Variants in UMAD1 observed in about 807,000 individuals in gnomAD.
UMAD1 encodes UBAP1-MVB12-associated (UMA)-domain containing protein 1.
UMAD1 carries 8 observed loss-of-function variants against 6.1 expected under a neutral mutation model. The ratio of observed to expected loss-of-function variants is 1.30; its 90% confidence interval spans 0.76 to 2.35. The LOEUF (loss-of-function observed/expected upper bound fraction) is 2.35, where lower values mean the gene tolerates loss of function less well. UMAD1 is among the 30% of genes most tolerant of loss of function. UMAD1 has a pLI of 0.00. For synonymous variants in UMAD1, 56 were observed against 31.4 expected, an observed-to-expected ratio of 1.78 and a Z score of -2.61; for missense variants, 130 against 78.4, an observed-to-expected ratio of 1.66 and a Z score of -2.49.
At chr7:7,720,256 C>T (rs577345253) in intron 2 of UMAD1, among the ~76,000 whole-genome samples, 1 of 152,138 alleles carries the variant, frequency 6.6e-6, no homozygotes, top group Non-Finnish European at 1.5e-5. Flanking sequence ...AACTATACAT[C>T]TCTGAGAATA....
chr7:7,758,723 T>C (rs1781828774), intron 2 of UMAD1, among the ~76,000 whole-genome samples: 1 of 152,252 alleles, frequency 6.6e-6, no homozygotes, highest in South Asian at 2.1e-4. Flanking sequence ...ATGTTGCATT[T>C]TTCAGATTTA....
At chr7:7,833,903 A>T (rs532889979) in intron 3 of UMAD1, among the ~76,000 whole-genome samples, 8 of 151,786 alleles carry the variant, frequency 5.3e-5, no homozygotes, top group Admixed American at 4.6e-4. Context: ...TTCCCATCTT[A>T]TTCTGTCAAG....
chr7:7,859,363 C>G (rs1302102301), intron 3 of UMAD1, among the ~76,000 whole-genome samples: 3 of 152,170 alleles, frequency 2.0e-5, no homozygotes, highest in African/African-American at 2.4e-5. Context: ...TAATCAAGAA[C>G]AGTGTGAAGT....
intron 3 of UMAD1, among the ~76,000 whole-genome samples, chr7:7,810,072 A>T (rs77185402): frequency 0.05 from 7,675 of 152,128 alleles, 341 homozygotes; most frequent in African/African-American, 0.12. Flanking sequence ...CAATTTCAAA[A>T]ATAGCAACAG....
intron 1 of UMAD1, among the ~76,000 whole-genome samples, chr7:7,651,016 G>A (rs1431114571): frequency 6.6e-6 from 1 of 152,130 alleles, no homozygotes; most frequent in African/African-American, 2.4e-5. Context: ...AAAAAGCCAG[G>A]TGCATGACCT....
At chr7:7,825,150 G>A (rs185640478) in intron 3 of UMAD1, among the ~76,000 whole-genome samples, 39 of 152,148 alleles carry the variant, frequency 2.6e-4, no homozygotes, top group African/African-American at 9.2e-4. Flanking sequence ...GGAGGTGGGC[G>A]CAGGGGGGAG....
At chr7:7,803,148 A>T (rs111536085) in intron 3 of UMAD1, among the ~76,000 whole-genome samples, 30 of 152,344 alleles carry the variant, frequency 2.0e-4, no homozygotes, top group Middle Eastern at 3.4e-3. Context: ...TCCATCTTAT[A>T]TGTTGAAGCA....
chr7:7,797,793 A>C (rs1385928715), intron 2 of UMAD1, among the ~76,000 whole-genome samples: 1 of 151,934 alleles, frequency 6.6e-6, no homozygotes, highest in Admixed American at 6.5e-5. Context: ...GGTTCAAGCA[A>C]ATCTCCTGCC....
intron 3 of UMAD1, among the ~76,000 whole-genome samples, chr7:7,873,429 G>C (rs1784364180): frequency 6.6e-6 from 1 of 152,174 alleles, no homozygotes. Context: ...ACTCATACCT[G>C]CACTCTTGGC....
chr7:7,846,257 C>A (rs1783780354), intron 3 of UMAD1, among the ~76,000 whole-genome samples: 1 of 152,058 alleles, frequency 6.6e-6, no homozygotes, highest in Non-Finnish European at 1.5e-5. Flanking sequence ...TCATAGTGTC[C>A]ATTTTATCTC....
At chr7:7,747,986 G>C (rs1340092410) in intron 2 of UMAD1, among the ~76,000 whole-genome samples, 1 of 152,006 alleles carries the variant, frequency 6.6e-6, no homozygotes, top group Non-Finnish European at 1.5e-5. Context: ...GTTTTGTTTT[G>C]TTTACAGTGG....
In UMAD1 at chr7:7,800,390, T is replaced by A. The variant is rs574349285; in HGVS notation, c.83-1280T>A. The stretch of plus-strand genomic sequence containing the variant: ...ATAAGCTACCAATTTAGTTCTTGTT[T>A]CATGATTTTATAATTTAACAGGCTT... On this transcript the variant is annotated intron_variant, in intron 2 of 3. Transcript: ENST00000682710. Among the ~76,000 whole-genome samples, 7 of 152,382 alleles carry A rather than the reference T, an allele frequency of 4.6e-5. No homozygotes were observed. In the East Asian group the frequency reaches 1.3e-3, roughly 29 times the overall value.
intron 1 of UMAD1, among the ~76,000 whole-genome samples, chr7:7,668,084 T>C (rs11763161): frequency 0.015 from 2,203 of 147,710 alleles, 28 homozygotes; most frequent in Non-Finnish European, 0.022. Flanking sequence ...AGCTGGCTAA[T>C]TTTTTTTTTT....
intron 1 of UMAD1, among the ~76,000 whole-genome samples, chr7:7,645,713 A>G (rs1785078689): frequency 6.6e-6 from 1 of 151,652 alleles, no homozygotes; most frequent in Non-Finnish European, 1.5e-5. Flanking sequence ...ATGAGTATGT[A>G]TTTTTCAGTG....
At chr7:7,782,332 G>A (rs1357026713) in intron 2 of UMAD1, among the ~76,000 whole-genome samples, 1 of 151,830 alleles carries the variant, frequency 6.6e-6, no homozygotes, top group African/African-American at 2.4e-5. Context: ...GATCACTTTA[G>A]TGATTCTCTT....
intron 2 of UMAD1, among the ~76,000 whole-genome samples, chr7:7,770,026 T>C (rs146392566): frequency 2.6e-4 from 39 of 152,296 alleles, no homozygotes; most frequent in Non-Finnish European, 4.4e-4. Flanking sequence ...TTTTTATTCT[T>C]TCAGACTTAT....
intron 2 of UMAD1, among the ~76,000 whole-genome samples, chr7:7,778,226 TTGTGTGTGTG>T (rs61647575): frequency 0.057 from 7,235 of 126,312 alleles, 491 homozygotes; most frequent in African/African-American, 0.16. Context: ...AAAACTGGTT[TTGTGTGTGTG>T]TGTGTGTGTG....
chr7:7,673,594 T>C, intron 2 of UMAD1, 141 bp downstream of exon 2: 1 of 604,278 alleles, frequency 1.7e-6, no homozygotes, highest in Non-Finnish European at 2.9e-6. Flanking sequence ...GCGTAAAATC[T>C]GTAAAGATGA....
chr7:7,739,336 G>A (rs1351477871), intron 2 of UMAD1, among the ~76,000 whole-genome samples: 2 of 152,128 alleles, frequency 1.3e-5, no homozygotes, highest in African/African-American at 4.8e-5. Flanking sequence ...CATATTTTTA[G>A]TAAGTTACTG....
Sources: allele counts gnomAD v4.1 joint callset (sites outside exome capture counted in the v4.1 genomes callset), GRCh38; gene constraint gnomAD v4.1.1; transcripts MANE v1.5; gene names NCBI Gene and HGNC (gene_info 2026-07-23, HGNC 2026-07-21).